The following KIAA1217 variants were observed in gnomAD, a reference collection of about 807,000 sequenced individuals.
The protein encoded by KIAA1217 is sickle tail protein homolog.
In KIAA1217, 88 loss-of-function variants were observed where a neutral mutation model predicts 163.9. That is an observed-to-expected ratio of 0.54 (90% CI 0.45 to 0.64). The LOEUF (loss-of-function observed/expected upper bound fraction) is 0.64. Ranked by LOEUF, KIAA1217 falls within the 30% of genes least tolerant of loss-of-function variation. The pLI is 0.00. For synonymous variants in KIAA1217, 903 were observed against 923.1 expected, an observed-to-expected ratio of 0.98 and a Z score of 0.39; for missense variants, 2,372 against 2,475.0, an observed-to-expected ratio of 0.96 and a Z score of 0.88.
intron 2 of KIAA1217, among the ~76,000 whole-genome samples, chr10:24,025,107 T>C (rs1411238911): frequency 6.6e-6 from 1 of 151,774 alleles, no homozygotes. Flanking sequence ...AGTCACAAAA[T>C]ATTCTCCTGT....
At chr10:23,961,633 G>GA in intron 1 of KIAA1217, among the ~76,000 whole-genome samples, 1 of 152,272 alleles carries the variant, frequency 6.6e-6, no homozygotes, top group East Asian at 1.9e-4. Flanking sequence ...AAATCAAACA[G>GA]ATCCAATTAA....
At chr10:23,795,879 A>G (rs1836176162) in intron 1 of KIAA1217, among the ~76,000 whole-genome samples, 1 of 152,218 alleles carries the variant, frequency 6.6e-6, no homozygotes, top group Non-Finnish European at 1.5e-5. Context: ...TTTAGTTTCC[A>G]TAGGGACCCA....
At chr10:24,438,722 T>A (rs1408893349) in intron 5 of KIAA1217, among the ~76,000 whole-genome samples, 1 of 152,216 alleles carries the variant, frequency 6.6e-6, no homozygotes, top group Non-Finnish European at 1.5e-5. Context: ...AGTTATGTCC[T>A]TACTTTAAAT....
rs757824734 is a variant in KIAA1217, at chr10:24,543,236, C to T, written c.3966C>T (p.His1322=). ...QNTDKCHVSS[H]TRLTESSVHD... ...CGGATAAGTGTCACGTTTCCTCTCACACTAGACTAACAGAATCAAGCGTGC... is the reference window on the plus strand; with the variant it reads ...CGGATAAGTGTCACGTTTCCTCTCATACTAGACTAACAGAATCAAGCGTGC... Residue 1322 remains histidine (H), a synonymous_variant, in exon 19 of 21, where the codon CAC becomes CAT. Coordinates refer to ENST00000376454, the MANE Select transcript of KIAA1217 (RefSeq NM_019590.5). 6.2e-7 allele frequency: 1 copy of T among 1,613,648 alleles called. No individual in the cohort carries two copies. The highest frequency in any genetic ancestry group is 8.5e-7 in the Non-Finnish European group (1 of 1,180,006).
chr10:23,741,950 T>C (rs1839141696), intron 1 of KIAA1217, among the ~76,000 whole-genome samples: 1 of 152,082 alleles, frequency 6.6e-6, no homozygotes, highest in Non-Finnish European at 1.5e-5. Context: ...CTTTGGGTGA[T>C]TTATGAGCAG....
intron 1 of KIAA1217, among the ~76,000 whole-genome samples, chr10:23,990,613 C>T (rs1421310570): frequency 1.3e-5 from 2 of 152,194 alleles, no homozygotes; most frequent in East Asian, 3.9e-4. Context: ...GGAAAGCATG[C>T]ACTTTGTTTT....
intron 1 of KIAA1217, among the ~76,000 whole-genome samples, chr10:23,887,553 G>A (rs1186602429): frequency 6.6e-6 from 1 of 151,612 alleles, no homozygotes; most frequent in Non-Finnish European, 1.5e-5. Flanking sequence ...ACACACACCA[G>A]CCTTGAGATT....
intron 1 of KIAA1217, among the ~76,000 whole-genome samples, chr10:23,810,987 A>G (rs1837012758): frequency 8.4e-6 from 1 of 118,984 alleles, no homozygotes; most frequent in African/African-American, 3.4e-5. Context: ...ACTATAGTAT[A>G]TATACTATAT....
At chr10:23,892,436 C>G (rs917606806) in intron 1 of KIAA1217, among the ~76,000 whole-genome samples, 22 of 151,890 alleles carry the variant, frequency 1.4e-4, no homozygotes, top group Admixed American at 9.2e-4. Context: ...TCTCTGGAAG[C>G]CTTGTTGAGA....
At chr10:24,448,913 C>T (rs2061177786) in intron 5 of KIAA1217, among the ~76,000 whole-genome samples, 1 of 152,178 alleles carries the variant, frequency 6.6e-6, no homozygotes, top group Non-Finnish European at 1.5e-5. Context: ...AATCAATTAA[C>T]TCAATAATCA....
intron 3 of KIAA1217, among the ~76,000 whole-genome samples, chr10:24,407,594 C>G (rs2057359920): frequency 6.6e-6 from 1 of 152,054 alleles, no homozygotes; most frequent in Admixed American, 6.6e-5. Context: ...GGTGTGAGCC[C>G]CCACGCCCAG....
chr10:24,289,654 G>A (rs2078904133), intron 2 of KIAA1217, among the ~76,000 whole-genome samples: 1 of 152,142 alleles, frequency 6.6e-6, no homozygotes, highest in Non-Finnish European at 1.5e-5. Flanking sequence ...ACAAGCTTGA[G>A]AGAGTTTCCG....
chr10:24,255,622 T>C (rs918597097), intron 2 of KIAA1217: 16 of 438,640 alleles, frequency 3.6e-5, no homozygotes, highest in Non-Finnish European at 6.4e-5. Context: ...GATTCTGGGG[T>C]TTCCCTGCCC....
At chr10:24,408,397 C>G (rs1380471966) in intron 3 of KIAA1217, among the ~76,000 whole-genome samples, 1 of 152,218 alleles carries the variant, frequency 6.6e-6, no homozygotes, top group Non-Finnish European at 1.5e-5. Context: ...CTTGCTGGGA[C>G]TTGTGCAGTA....
intron 1 of KIAA1217, among the ~76,000 whole-genome samples, chr10:23,856,358 T>C (rs951337162): frequency 6.6e-6 from 1 of 152,222 alleles, no homozygotes; most frequent in Admixed American, 6.5e-5. Flanking sequence ...TGCTGTCTGA[T>C]CGTTCCTCTG....
intron 1 of KIAA1217, among the ~76,000 whole-genome samples, chr10:23,715,454 A>C (rs1442086102): frequency 6.6e-6 from 1 of 152,160 alleles, no homozygotes; most frequent in Non-Finnish European, 1.5e-5. Context: ...ATTCCATTAG[A>C]ATATGTGATG....
chr10:23,810,275 GTA>G (rs1216922246), intron 1 of KIAA1217, among the ~76,000 whole-genome samples: 2 of 146,948 alleles, frequency 1.4e-5, no homozygotes, highest in African/African-American at 2.5e-5. Context: ...CTGTCTATCT[GTA>G]TATATATATA....
At chr10:24,248,773 A>G (rs967059948) in intron 2 of KIAA1217, among the ~76,000 whole-genome samples, 4 of 150,924 alleles carry the variant, frequency 2.7e-5, no homozygotes, top group African/African-American at 9.8e-5. Flanking sequence ...TTAGGTTTTC[A>G]TATTATGTTT....
At chr10:24,059,907 G>C (rs948164572) in intron 2 of KIAA1217, among the ~76,000 whole-genome samples, 1 of 152,122 alleles carries the variant, frequency 6.6e-6, no homozygotes, top group African/African-American at 2.4e-5. Context: ...GTCTTGGTAA[G>C]CTGTATGTTT....
Sources: allele counts gnomAD v4.1 joint callset (sites outside exome capture counted in the v4.1 genomes callset), GRCh38; gene constraint gnomAD v4.1.1; transcripts MANE v1.5; gene names NCBI Gene and HGNC (gene_info 2026-07-23, HGNC 2026-07-21).